Variants in STK33 observed in about 807,000 individuals in gnomAD.
STK33 encodes the protein serine/threonine kinase 33, also known as serine/threonine-protein kinase 33.
Under a neutral mutation model 58.0 loss-of-function variants are expected in STK33, and 52 were observed. The ratio of observed to expected loss-of-function variants is 0.90; its 90% CI spans 0.72 to 1.13. The LOEUF (loss-of-function observed/expected upper bound fraction) is 1.13, where lower values mean the gene tolerates loss of function less well. Ranked by LOEUF, STK33 falls within the 50% of genes most tolerant of loss-of-function variation. The pLI is 0.00. For missense variants in STK33, 630 were observed against 604.2 expected, an observed-to-expected ratio of 1.04 and a Z score of -0.45; for synonymous variants, 215 against 200.1, an observed-to-expected ratio of 1.07 and a Z score of -0.63.
the STK33 span, among the ~76,000 whole-genome samples, chr11:8,358,708 A>G: frequency 6.6e-6 from 1 of 152,232 alleles, no homozygotes; most frequent in African/African-American, 2.4e-5. Flanking sequence ...TGAACATCAA[A>G]ATAAATAATG....
chr11:8,400,532 T>C (rs1937654095), intron 15 of STK33, among the ~76,000 whole-genome samples: 1 of 152,152 alleles, frequency 6.6e-6, no homozygotes, highest in South Asian at 2.1e-4. Flanking sequence ...GGGCAAAAAC[T>C]GGAAGCATTC....
At chr11:8,361,809 G>T in the STK33 span, among the ~76,000 whole-genome samples, 1 of 152,184 alleles carries the variant, frequency 6.6e-6, no homozygotes, top group Non-Finnish European at 1.5e-5. The surrounding 1 kb of genome is among the most constrained non-coding windows in gnomAD (Gnocchi z 4.8). Flanking sequence ...GCATGGAGGG[G>T]GTGTTCCACG....
intron 2 of STK33, among the ~76,000 whole-genome samples, chr11:8,478,498 A>C (rs10840060): frequency 0.45 from 68,381 of 151,910 alleles, 15,765 homozygotes; most frequent in Non-Finnish European, 0.5. Flanking sequence ...CAAGTCAATA[A>C]AACAATTCTG....
intron 1 of STK33, among the ~76,000 whole-genome samples, chr11:8,582,074 T>C (rs1168619757): frequency 6.6e-6 from 1 of 152,264 alleles, no homozygotes; most frequent in Non-Finnish European, 1.5e-5. Flanking sequence ...CATACTATTT[T>C]ATTTATAGGT....
At chr11:8,479,448 C>G (rs915328378) in intron 2 of STK33, among the ~76,000 whole-genome samples, 8 of 146,092 alleles carry the variant, frequency 5.5e-5, no homozygotes, top group Admixed American at 2.0e-4. Context: ...AAAAAAAAAG[C>G]GAGAACAGAA....
At chr11:8,512,470 A>C (rs749292153) in intron 1 of STK33, among the ~76,000 whole-genome samples, 1 of 152,200 alleles carries the variant, frequency 6.6e-6, no homozygotes, top group Non-Finnish European at 1.5e-5. Flanking sequence ...TGAAGAGTCC[A>C]TAAAGGGATT....
intron 9 of STK33, among the ~76,000 whole-genome samples, chr11:8,455,512 TAAA>T (rs1159226510): frequency 2.6e-5 from 4 of 152,020 alleles, no homozygotes; most frequent in African/African-American, 9.7e-5. Flanking sequence ...TCCCTAGACT[TAAA>T]AAGTTATACA....
chr11:8,468,220 A>G (rs575790427), intron 6 of STK33, among the ~76,000 whole-genome samples: 1 of 152,250 alleles, frequency 6.6e-6, no homozygotes, highest in East Asian at 1.9e-4. Flanking sequence ...CATTTTTAAA[A>G]CCATCACATC....
At chr11:8,459,502 T>A (rs958342526) in intron 8 of STK33, among the ~76,000 whole-genome samples, 2 of 152,086 alleles carry the variant, frequency 1.3e-5, no homozygotes, top group Non-Finnish European at 2.9e-5. Flanking sequence ...TCTTCCTACC[T>A]GAAACAACTT....
At chr11:8,431,802 TTTC>T (rs1943456963) in intron 14 of STK33, among the ~76,000 whole-genome samples, 1 of 152,170 alleles carries the variant, frequency 6.6e-6, no homozygotes, top group Non-Finnish European at 1.5e-5. Flanking sequence ...CACTCACGAT[TTTC>T]TTTTTTTTCT....
chr11:8,512,700 T>A (rs1952435442), intron 1 of STK33, among the ~76,000 whole-genome samples: 1 of 152,206 alleles, frequency 6.6e-6, no homozygotes, highest in South Asian at 2.1e-4. Flanking sequence ...CTTCTTAGGT[T>A]CTCGCCTGTA....
chr11:8,530,970 C>T (rs932545316), intron 1 of STK33, among the ~76,000 whole-genome samples: 2 of 151,978 alleles, frequency 1.3e-5, no homozygotes, highest in Non-Finnish European at 2.9e-5. Flanking sequence ...GGATTACAGG[C>T]GCGAGCCACC....
At chr11:8,553,195 TATGGTGTATATATATATA>T (rs1956455652) in intron 1 of STK33, among the ~76,000 whole-genome samples, 1 of 72,246 alleles carries the variant, frequency 1.4e-5, no homozygotes, top group Non-Finnish European at 2.4e-5. Flanking sequence ...TATATATATA[TATGGTGTATATATATATA>T]TATATATATA....
At chr11:8,357,248 G>A in the STK33 span, among the ~76,000 whole-genome samples, 3 of 152,204 alleles carry the variant, frequency 2.0e-5, no homozygotes, top group South Asian at 2.1e-4. Flanking sequence ...AGCGCGCGGC[G>A]CGATTACACA....
chr11:8,420,622 T>A (rs1288058748), intron 14 of STK33, among the ~76,000 whole-genome samples: 1 of 152,224 alleles, frequency 6.6e-6, no homozygotes, highest in Admixed American at 6.5e-5. Flanking sequence ...TCACCTGAGG[T>A]GACTGCTATC....
At chr11:8,559,870 T>C (rs1389545744) in intron 1 of STK33, among the ~76,000 whole-genome samples, 2 of 152,152 alleles carry the variant, frequency 1.3e-5, no homozygotes, top group Non-Finnish European at 2.9e-5. Context: ...AAATCACATA[T>C]GGTTGTAAAT....
At chr11:8,454,652 G>A (rs1946634689) in intron 10 of STK33, 92 bp downstream of exon 10, 1 of 1,390,914 alleles carries the variant, frequency 7.2e-7, no homozygotes, top group Admixed American at 3.4e-5. Flanking sequence ...CTGCTCAAAA[G>A]CTAGCAACAT....
At chr11:8,402,069 G>T (rs1419640006) in intron 15 of STK33, among the ~76,000 whole-genome samples, 1 of 152,124 alleles carries the variant, frequency 6.6e-6, no homozygotes, top group Non-Finnish European at 1.5e-5. Context: ...GATTCCTCAG[G>T]GATCTAGAAT....
downstream of STK33, among the ~76,000 whole-genome samples, chr11:8,389,181 G>A (rs1190991225): frequency 6.6e-6 from 1 of 152,244 alleles, no homozygotes; most frequent in Non-Finnish European, 1.5e-5. Context: ...CAGGGCAACA[G>A]GCTGGTCTTG....
Sources: gnomAD v4.1 joint callset for allele counts (sites outside exome capture counted in the v4.1 genomes callset) on GRCh38, gnomAD v4.1.1 for gene constraint, Gnocchi (gnomAD v3.1) non-coding constraint, MANE v1.5 for transcripts, NCBI Gene and HGNC (gene_info 2026-07-23, HGNC 2026-07-21) for gene names.